The following PSMD8 variants were observed in gnomAD, a reference collection of about 807,000 sequenced individuals.
PSMD8 encodes 26S proteasome non-ATPase regulatory subunit 8.
Under a neutral mutation model 40.0 loss-of-function variants are expected in PSMD8, and 30 were observed. That is an observed-to-expected ratio of 0.75 (90% confidence interval 0.56 to 1.02). The LOEUF is 1.02. Ranked by LOEUF, PSMD8 falls within the 50% of genes least tolerant of loss-of-function variation. PSMD8 has a pLI of 0.00. For synonymous variants in PSMD8, 208 were observed against 192.5 expected (o/e 1.08, Z -0.67); for missense variants, 461 against 463.9 (o/e 0.99, Z 0.06).
In PSMD8 at chr19:38,383,249, G is replaced by A. The variant is rs777407142; in HGVS notation, c.916-4G>A. ...ACTCGTCTCTAATCCCTCCTTTCCT[G>A]CAGCGAGGGTGGGTCCTGGGCCCCA... On this transcript the variant is annotated splice_polypyrimidine_tract_variant and splice_region_variant and intron_variant, in intron 6 of 6. Coordinates refer to ENST00000215071, the MANE Select transcript of PSMD8 (RefSeq NM_002812.5). 1.2e-6 allele frequency: 2 copies of A among 1,612,462 alleles called. No individual in the cohort carries two copies. Among genetic ancestry groups the A allele is most frequent in the Admixed American group, 1.7e-5 (1 of 60,000 alleles).
chr19:38,379,520 C>T (rs931456483), intron 4 of PSMD8, 115 bp downstream of exon 4: 4 of 1,161,830 alleles, frequency 3.4e-6, no homozygotes, highest in Non-Finnish European at 4.9e-6. Flanking sequence ...ACCCACGGAC[C>T]CATCCTCTTG....
At chr19:38,382,573 G>C (rs982748963) in intron 6 of PSMD8, 2 of 515,116 alleles carry the variant, frequency 3.9e-6, no homozygotes, top group Admixed American at 7.4e-5. Context: ...TGTTGCAGGA[G>C]GAGGGCTGGG....
In PSMD8 at chr19:38,379,291, CCT is replaced by C. The variant is rs530828952; in HGVS notation, c.591_592del (p.Phe198ProfsTer9). The C allele has an allele frequency of 6.2e-7, 1 of 1,614,012 alleles. No individual in the cohort carries two copies. The highest frequency in any genetic ancestry group is 8.5e-7 in the Non-Finnish European group (1 of 1,179,896). ...YMHQLLGLNL[L>X]FLLSQNRVAE... Reference sequence around the variant, plus strand: ...TGCACCAGCTCTTGGGCCTCAACCTCCTCTTCCTGCTGTCCCAGAACCGGGTG... The same window carrying C: ...TGCACCAGCTCTTGGGCCTCAACCTCCTTCCTGCTGTCCCAGAACCGGGTG... On this transcript the variant is annotated frameshift_variant, in exon 4 of 7. Coordinates refer to ENST00000215071, the MANE Select transcript of PSMD8 (RefSeq NM_002812.5). LOFTEE classifies it high-confidence loss of function.
Position 38,383,610 on chromosome 19 carries a change from C to A in PSMD8, c.*220C>A. ...ACTGGGTCAGCCTCTGTCTGGTGGG[C>A]ATTGCTCAGGGTCTCAAACATGGAC... is the stretch of plus-strand genomic sequence containing the variant. On this transcript the variant is annotated 3_prime_UTR_variant, in exon 7 of 7. Transcript: ENST00000215071. 1 of 621,164 alleles carries A rather than the reference C, an allele frequency of 1.6e-6. No homozygotes were observed. Among genetic ancestry groups the A allele is most frequent in the Non-Finnish European group, 2.7e-6 (1 of 367,316 alleles). The allele number at this position is 621,164 out of a possible 1,614,324, so 38.5% of individuals were successfully genotyped here.
At position 38,376,388 on chromosome 19, in the gene PSMD8, T is replaced by A. The variant is rs1312660362; in HGVS notation, c.470T>A (p.Leu157Gln). 5 of 1,552,630 alleles carry A rather than the reference T, an allele frequency of 3.2e-6. No homozygotes were observed. The highest frequency in any genetic ancestry group is 4.4e-6 in the Non-Finnish European group (5 of 1,147,448). Residue 157 changes from leucine (L) to glutamine (Q), a missense_variant, in exon 3 of 7, where the codon CTA becomes CAA. Leu to Gln is a moderately radical substitution (Grantham distance 113). Transcript: ENST00000215071. Reference protein sequence around the residue: ...ILEIGAQWSILRKDIPSFERY... With the variant: ...ILEIGAQWSIQRKDIPSFERY... Reference sequence around the variant, plus strand: ...GAGATCGGGGCCCAATGGAGCATCCTACGCAAGGACATCCCCTCCTTCGAG... The same window carrying A: ...GAGATCGGGGCCCAATGGAGCATCCAACGCAAGGACATCCCCTCCTTCGAG...
At chr19:38,375,153 G>C (rs947824709) in intron 1 of PSMD8, 192 bp downstream of exon 1, 2 of 944,800 alleles carry the variant, frequency 2.1e-6, no homozygotes, top group African/African-American at 1.7e-5. Context: ...AGAAGCGAGA[G>C]AGGGACAGGG....
chr19:38,379,499 C>A, intron 4 of PSMD8, 94 bp downstream of exon 4: 1 of 1,368,560 alleles, frequency 7.3e-7, no homozygotes, highest in Non-Finnish European at 1.0e-6. Flanking sequence ...CCAGGGTTCA[C>A]CCATCTTTCC....
intron 6 of PSMD8, chr19:38,382,497 T>G: frequency 1.8e-6 from 1 of 561,192 alleles, no homozygotes; most frequent in Non-Finnish European, 3.1e-6. Flanking sequence ...TTCTTAGAGG[T>G]GGCAGCTTTT....
rs546317518 is a variant in PSMD8, at chr19:38,374,805, G to A, written c.204G>A (p.Ala68=). Reference sequence around the variant, plus strand: ...CATCACGCAAGATGGCGGCCGCGGCGGTGAACGGGGCGGCAGGCTTCTCGA... The same window carrying A: ...CATCACGCAAGATGGCGGCCGCGGCAGTGAACGGGGCGGCAGGCTTCTCGA... ...LAASRKMAAA[A]VNGAAGFSSS... is the part of the protein sequence containing the mutation. Residue 68 remains alanine (A), a synonymous_variant, in exon 1 of 7, where the codon GCG becomes GCA. Coordinates refer to ENST00000215071, the MANE Select transcript of PSMD8 (RefSeq NM_002812.5). The A allele has an allele frequency of 2.4e-5, 38 of 1,572,850 alleles. No homozygotes were observed. In the South Asian group the frequency reaches 2.5e-4, roughly 10 times the overall value.
At chr19:38,378,235 T>C (rs1204939890) in intron 3 of PSMD8, among the ~76,000 whole-genome samples, 1 of 152,052 alleles carries the variant, frequency 6.6e-6, no homozygotes, top group Non-Finnish European at 1.5e-5. Context: ...AGGCTGGGCA[T>C]GGTGGCTTAC....
chr19:38,382,091 A>T (rs1489083687), intron 5 of PSMD8, 26 bp from the exon 6 acceptor site: 3 of 1,527,294 alleles, frequency 2.0e-6, no homozygotes, highest in Non-Finnish European at 8.9e-7. Flanking sequence ...ATGCTCAGTA[A>T]TGAGGAGCTT....
At chr19:38,381,787 ACCCTG>A (rs1293605068) in intron 5 of PSMD8, among the ~76,000 whole-genome samples, 3 of 152,076 alleles carry the variant, frequency 2.0e-5, no homozygotes, top group Non-Finnish European at 2.9e-5. Flanking sequence ...GGGGTGCAGC[ACCCTG>A]GTGATGGGTG....
Position 38,383,302 on chromosome 19 carries a change from A to T in PSMD8, c.965A>T (p.Gln322Leu), listed in dbSNP as rs1568389160. 1 of 1,613,660 alleles carries T rather than the reference A, an allele frequency of 6.2e-7. No homozygotes were observed. Among genetic ancestry groups the T allele is most frequent in the East Asian group, 2.2e-5 (1 of 44,886 alleles). Reference protein sequence around the residue: ...PNNYYSFASQQQKPEDTTIPS... With the variant: ...PNNYYSFASQLQKPEDTTIPS... ...AACTACTACAGTTTTGCCAGCCAGC[A>T]GCAGAAGCCGGAAGACACCACCATT... Residue 322 changes from glutamine (Q) to leucine (L), a missense_variant, in exon 7 of 7, where the codon CAG becomes CTG. Transcript: ENST00000215071.
chr19:38,376,307 A>G, intron 2 of PSMD8, 45 bp from the exon 3 acceptor site: 1 of 1,536,644 alleles, frequency 6.5e-7, no homozygotes, highest in Non-Finnish European at 8.8e-7. Context: ...GTGGTTGGGG[A>G]AGAGACCTCA....
At chr19:38,377,590 G>A (rs1324286797) in intron 3 of PSMD8, among the ~76,000 whole-genome samples, 6 of 151,886 alleles carry the variant, frequency 4.0e-5, no homozygotes, top group Admixed American at 2.6e-4. Context: ...TCTGCCTCCC[G>A]GGTTCAAGCT....
In PSMD8 at chr19:38,382,108, T is replaced by C. The variant is rs572949256; in HGVS notation, c.804-9T>C. ...GCTCAGTAATGAGGAGCTTCTCATCTTCCCCCAGGGATGAGATCGCTGGGT... is the reference window on the plus strand; with the variant it reads ...GCTCAGTAATGAGGAGCTTCTCATCCTCCCCCAGGGATGAGATCGCTGGGT... On this transcript the variant is annotated splice_polypyrimidine_tract_variant and intron_variant, in intron 5 of 6. Coordinates refer to ENST00000215071, the MANE Select transcript of PSMD8 (RefSeq NM_002812.5). 16 of 1,551,832 alleles carry C rather than the reference T, an allele frequency of 1.0e-5. No homozygotes were observed. Among genetic ancestry groups the C allele is most frequent in the Admixed American group, 3.9e-5 (2 of 51,622 alleles).
chr19:38,380,882 C>A lies in PSMD8; in HGVS notation c.703-17C>A, dbSNP rs374385504. ...TCCTCTTCATTCTCTCTTCTTCCCC[C>A]TTCCCGGCTTCTGCAGTACCTGATG... On this transcript the variant is annotated splice_polypyrimidine_tract_variant and intron_variant, in intron 4 of 6. Coordinates refer to ENST00000215071, the MANE Select transcript of PSMD8 (RefSeq NM_002812.5). 43 of 1,543,870 alleles carry A rather than the reference C, an allele frequency of 2.8e-5. No individual in the cohort carries two copies. Among genetic ancestry groups the A allele is most frequent in the Middle Eastern group, 1.7e-4 (1 of 5,870 alleles).
At chr19:38,375,146 A>C (rs1970587704) in intron 1 of PSMD8, 185 bp downstream of exon 1, 1 of 1,014,890 alleles carries the variant, frequency 9.9e-7, no homozygotes, top group Non-Finnish European at 1.4e-6. Flanking sequence ...GGCGTCAAGA[A>C]GCGAGAGAGG....
intron 3 of PSMD8, 80 bp downstream of exon 3, chr19:38,376,534 C>A: frequency 1.6e-6 from 2 of 1,245,450 alleles, no homozygotes; most frequent in Non-Finnish European, 2.3e-6. Context: ...CTGCTTGGGT[C>A]CTCTTCCTTC....
Sources: gnomAD v4.1 joint callset for allele counts (sites outside exome capture counted in the v4.1 genomes callset) on GRCh38, gnomAD v4.1.1 for gene constraint, MANE v1.5 for transcripts, NCBI Gene and HGNC (gene_info 2026-07-23, HGNC 2026-07-21) for gene names.